The following HFM1 variants were observed in gnomAD, a reference collection of about 807,000 sequenced individuals.
The protein encoded by HFM1 is probable ATP-dependent DNA helicase HFM1.
In HFM1, 169 loss-of-function variants were observed where a neutral mutation model predicts 192.1. The ratio of observed to expected loss-of-function variants is 0.88; its 90% CI spans 0.78 to 1.00. The LOEUF is 1.00. HFM1 is among the 50% of genes least tolerant of loss of function. HFM1 has a pLI of 0.00. For synonymous variants in HFM1, 525 were observed against 537.8 expected (o/e 0.98, Z 0.33); for missense variants, 1,661 against 1,668.0 (o/e 1.00, Z 0.07).
chr1:91,264,361 A>ATTTTTTTTTTTTTTTTTTTTTTTTTT lies in HFM1; in HGVS notation c.3974+1630_3974+1655dup, dbSNP rs71087940. Among the ~76,000 whole-genome samples, 114 of 57,092 alleles carry ATTTTTTTTTTTTTTTTTTTTTTTTTT rather than the reference A, an allele frequency of 2.0e-3. 21 individuals carry two copies. The highest frequency in any genetic ancestry group is 2.4e-3 in the Admixed American group (9 of 3,824). 37.5% of individuals were successfully genotyped at this position (57,092 alleles called of 152,430 possible). The stretch of plus-strand genomic sequence containing the variant: ...TTCCAAGGGATACCACAAATTTAGT[A>ATTTTTTTTTTTTTTTTTTTTTTTTTT]TTTTTTTTTTTTTTTTTTTTTTTTT... On this transcript the variant is annotated intron_variant, in intron 36 of 38. Transcript: ENST00000370425.
rs185055490 is a variant in HFM1 at position 91,284,199 on chromosome 1, T to C, written c.3392-7137A>G. ...ACAATGTGCCTGAGGACTGGCTTTA[T>C]CCTTGTATTCATTCAACTACATTAA... On this transcript the variant is annotated intron_variant, in intron 30 of 38. Transcript: ENST00000370425. 3.3e-5 allele frequency among the ~76,000 whole-genome samples: 5 copies of C among 151,908 alleles called. No individual in the cohort carries two copies. In the East Asian group the frequency reaches 9.6e-4, roughly 29 times the overall value.
Position 91,319,478 on chromosome 1 carries a change from A to G in HFM1, c.2583-88T>C, listed in dbSNP as rs1341967827. 5.0e-6 allele frequency: 4 copies of G among 796,900 alleles called. No individual in the cohort carries two copies. In the East Asian group the frequency reaches 1.0e-4, roughly 21 times the overall value. The allele number at this position is 796,900 out of a possible 1,614,324, so 49.4% of individuals were successfully genotyped here. ...ATCACTCACTGAAGTATTCCTTCTT[A>G]AAACTTTTCTCTGCCTTAATTTCTG... is the stretch of plus-strand genomic sequence containing the variant. On this transcript the variant is annotated intron_variant, in intron 23 of 38. Transcript: ENST00000370425.
At chr1:91,367,661 G>A (rs987020781) in intron 13 of HFM1, among the ~76,000 whole-genome samples, 2 of 152,122 alleles carry the variant, frequency 1.3e-5, no homozygotes, top group Non-Finnish European at 2.9e-5. Flanking sequence ...GGAAAAAACA[G>A]AGCAGAAAAA....
chr1:91,391,410 A>G (rs1241269281), intron 4 of HFM1, among the ~76,000 whole-genome samples: 1 of 152,246 alleles, frequency 6.6e-6, no homozygotes, highest in Non-Finnish European at 1.5e-5. Context: ...AGAGATATAG[A>G]CCAACAGAAA....
rs571808418 is a variant in HFM1 at position 91,267,870 on chromosome 1, T to C, written c.3773-15A>G. 3.3e-5 allele frequency: 46 copies of C among 1,382,334 alleles called. No homozygotes were observed. The African/African-American group carries it at 6.5e-4, about 20-fold the overall frequency. The allele number at this position is 1,382,334 out of a possible 1,614,324, so 85.6% of individuals were successfully genotyped here. ...ATTCAAAACTTCTGAAAATAGAGAA[T>C]TGCTTTTATCTGCATCTGTCAAATG... On this transcript the variant is annotated splice_polypyrimidine_tract_variant and intron_variant, in intron 34 of 38. Transcript: ENST00000370425.
intron 30 of HFM1, among the ~76,000 whole-genome samples, chr1:91,303,717 G>A (rs977839340): frequency 2.0e-5 from 3 of 152,244 alleles, no homozygotes; most frequent in Non-Finnish European, 4.4e-5. Context: ...TGAGTGGGAA[G>A]TGGTATCTTA....
At chr1:91,323,488 T>G (rs1652437273) in intron 21 of HFM1, among the ~76,000 whole-genome samples, 1 of 152,162 alleles carries the variant, frequency 6.6e-6, no homozygotes, top group African/African-American at 2.4e-5. Context: ...TCTAGCCCAG[T>G]GCCTATCACA....
At chr1:91,300,141 G>T (rs1288158450) in intron 30 of HFM1, among the ~76,000 whole-genome samples, 3 of 152,092 alleles carry the variant, frequency 2.0e-5, no homozygotes, top group South Asian at 2.1e-4. Flanking sequence ...TACCATCAGA[G>T]AATACTATAA....
Position 91,319,392 on chromosome 1 carries a change from T to C in HFM1, c.2583-2A>G, listed in dbSNP as rs1309944550. The stretch of plus-strand genomic sequence containing the variant: ...CATCCTAGTTGAGCCTGAATAAGAC[T>C]GGGGGAAAGAAAAAAAATTGTTACT... On this transcript the variant is annotated splice_acceptor_variant, in intron 23 of 38. Coordinates refer to ENST00000370425, the MANE Select transcript of HFM1 (RefSeq NM_001017975.6). LOFTEE classifies it high-confidence loss of function. 6.3e-7 allele frequency: 1 copy of C among 1,598,354 alleles called. No individual in the cohort carries two copies. The highest frequency in any genetic ancestry group is 1.3e-5 in the African/African-American group (1 of 74,544).
In HFM1 at chr1:91,384,747, CTT is replaced by C. The variant is rs11295340; in HGVS notation, c.802+438_802+439del. 6.0e-3 allele frequency among the ~76,000 whole-genome samples: 810 copies of C among 134,442 alleles called. 1 individual carries two copies. The highest frequency in any genetic ancestry group is 0.01 in the African/African-American group (376 of 36,366). The allele number at this position is 134,442 out of a possible 152,430, so 88.2% of individuals were successfully genotyped here. On this transcript the variant is annotated intron_variant, in intron 6 of 38. Transcript: ENST00000370425. ...GAGTAGCACTATCACACACATACAT[CTT>C]TTTTTTTTTTTTTGAGATGGAGTCT...
At chr1:91,285,942 G>A (rs762523024) in intron 30 of HFM1, among the ~76,000 whole-genome samples, 2 of 151,998 alleles carry the variant, frequency 1.3e-5, no homozygotes, top group Non-Finnish European at 2.9e-5. Flanking sequence ...TGATCAAATC[G>A]ACGGTCATGG....
chr1:91,401,917 T>TAA (rs367822100), intron 1 of HFM1, among the ~76,000 whole-genome samples: 72 of 148,708 alleles, frequency 4.8e-4, no homozygotes, highest in Admixed American at 8.7e-4. Flanking sequence ...CAAATGTGAT[T>TAA]AAAAAAAAAA....
rs143480989 is a variant in HFM1 at position 91,285,950 on chromosome 1, T to C, written c.3392-8888A>G. On this transcript the variant is annotated intron_variant, in intron 30 of 38. Transcript: ENST00000370425. ...GTCTCAATGATCAAATCGACGGTCA[T>C]GGTATCACAGTACTTGTGTTCAAGT... is the stretch of plus-strand genomic sequence containing the variant. 9.3e-3 allele frequency among the ~76,000 whole-genome samples: 1,412 copies of C among 152,286 alleles called. 12 individuals carry two copies. The highest frequency in any genetic ancestry group is 0.013 in the Non-Finnish European group (871 of 68,010).
intron 20 of HFM1, among the ~76,000 whole-genome samples, chr1:91,332,576 C>T (rs941630865): frequency 6.6e-6 from 1 of 152,016 alleles, no homozygotes; most frequent in Non-Finnish European, 1.5e-5. Flanking sequence ...CCTACAAGCA[C>T]AGGCAACAAA....
At chr1:91,274,680 CAG>C (rs1210673772) in intron 33 of HFM1, 48 bp downstream of exon 33, 3 of 927,940 alleles carry the variant, frequency 3.2e-6, no homozygotes, top group East Asian at 2.5e-5. Context: ...CCTGCAGGAA[CAG>C]AGTTTACGAT....
At chr1:91,314,086 T>C in intron 28 of HFM1, 26 bp from the exon 29 acceptor site, 1 of 1,336,280 alleles carries the variant, frequency 7.5e-7, no homozygotes, top group African/African-American at 1.4e-5. Context: ...GTTTAAATAG[T>C]GATCCAAACA....
chr1:91,395,392 T>C lies in HFM1; in HGVS notation c.184+901A>G, dbSNP rs144083055. Among the ~76,000 whole-genome samples, 829 of 152,352 alleles carry C rather than the reference T, an allele frequency of 5.4e-3. 5 individuals are homozygous for C. The highest frequency in any genetic ancestry group is 0.019 in the African/African-American group (797 of 41,586). On this transcript the variant is annotated intron_variant, in intron 3 of 38. Coordinates refer to ENST00000370425, the MANE Select transcript of HFM1 (RefSeq NM_001017975.6). ...TATGTACACGTATGTATGTGTATTA[T>C]ATGTATAGAGAAGAAAAATATTTTA...
At chr1:91,298,358 C>T (rs1027306370) in intron 30 of HFM1, among the ~76,000 whole-genome samples, 5 of 152,194 alleles carry the variant, frequency 3.3e-5, no homozygotes, top group South Asian at 2.1e-4. Context: ...AGTTGGAAAA[C>T]GCTCTGCAGG....
chr1:91,365,969 A>G (rs1037559843), intron 13 of HFM1, among the ~76,000 whole-genome samples: 1 of 7,948 alleles, frequency 1.3e-4, no homozygotes, highest in Non-Finnish European at 2.3e-4. Flanking sequence ...TATGTTCCTG[A>G]AAAAAAAAAA....
Sources: allele counts gnomAD v4.1 joint callset (sites outside exome capture counted in the v4.1 genomes callset), GRCh38; gene constraint gnomAD v4.1.1; transcripts MANE v1.5; gene names NCBI Gene and HGNC (gene_info 2026-07-23, HGNC 2026-07-21).